Variants in LHPP observed in about 807,000 individuals in gnomAD.
LHPP encodes the protein phospholysine phosphohistidine inorganic pyrophosphate phosphatase.
Under a neutral mutation model 30.3 loss-of-function variants are expected in LHPP, and 24 were observed. The observed-to-expected ratio is 0.79, with a 90% CI of 0.57 to 1.11. LHPP has a LOEUF of 1.11. Among genes scored for constraint, LHPP ranks in the 50% most tolerant of loss-of-function variants. LHPP has a pLI of 0.00. For synonymous variants in LHPP, 150 were observed against 157.1 expected (o/e 0.95, Z 0.34); for missense variants, 356 against 367.2 (o/e 0.97, Z 0.25).
intron 5 of LHPP, among the ~76,000 whole-genome samples, chr10:124,516,567 C>G (rs1372003786): frequency 6.6e-6 from 1 of 152,106 alleles, no homozygotes; most frequent in Non-Finnish European, 1.5e-5. Flanking sequence ...TGCTTGATGT[C>G]CGGTGTCCTG....
intron 6 of LHPP, among the ~76,000 whole-genome samples, chr10:124,551,893 G>C (rs1948174871): frequency 6.6e-6 from 1 of 152,138 alleles, no homozygotes; most frequent in Non-Finnish European, 1.5e-5. Context: ...AGGCCCCCGG[G>C]TGGCAGCTTC....
intron 1 of LHPP, among the ~76,000 whole-genome samples, chr10:124,483,495 A>C (rs1308744194): frequency 6.6e-6 from 1 of 152,160 alleles, no homozygotes; most frequent in Non-Finnish European, 1.5e-5. Context: ...CAGGTGGGCC[A>C]GGCACGGTGG....
chr10:124,524,275 AT>A (rs59957047), intron 6 of LHPP, among the ~76,000 whole-genome samples: 9,101 of 126,068 alleles, frequency 0.072, 231 homozygotes, highest in South Asian at 0.22. Flanking sequence ...TTTTGTTTTC[AT>A]TTTTTTTTTT....
chr10:124,543,990 C>T (rs922886904), intron 6 of LHPP, among the ~76,000 whole-genome samples: 3 of 152,370 alleles, frequency 2.0e-5, no homozygotes, highest in Admixed American at 1.3e-4. Context: ...CCCAGAGTTG[C>T]CGGCATCTCA....
intron 6 of LHPP, among the ~76,000 whole-genome samples, chr10:124,532,480 C>T (rs920124013): frequency 6.6e-5 from 10 of 152,244 alleles, no homozygotes; most frequent in Non-Finnish European, 1.0e-4. Context: ...TTCCTTCTCA[C>T]CTCATGCCTT....
At chr10:124,585,602 G>A (rs550029105) in intron 6 of LHPP, among the ~76,000 whole-genome samples, 40 of 149,748 alleles carry the variant, frequency 2.7e-4, no homozygotes, top group East Asian at 2.0e-3. Context: ...GCGACAGAAC[G>A]AGACTCTATC....
chr10:124,499,164 G>A (rs1270213661), intron 5 of LHPP, among the ~76,000 whole-genome samples: 1 of 151,822 alleles, frequency 6.6e-6, no homozygotes, highest in Non-Finnish European at 1.5e-5. Context: ...ACAGGTGTGA[G>A]CCACCATGCC....
chr10:124,509,209 C>CT (rs1172656377), intron 5 of LHPP, among the ~76,000 whole-genome samples: 2 of 152,124 alleles, frequency 1.3e-5, no homozygotes, highest in African/African-American at 2.4e-5. Flanking sequence ...TGACCTTGTT[C>CT]TTTTTTAGGG....
intron 6 of LHPP, among the ~76,000 whole-genome samples, chr10:124,545,829 C>T (rs1683710331): frequency 6.6e-6 from 1 of 152,114 alleles, no homozygotes. Context: ...CATTCTGCTG[C>T]AAGAGGGAGG....
chr10:124,465,263 G>A (rs949743756), intron 1 of LHPP, among the ~76,000 whole-genome samples: 5 of 152,110 alleles, frequency 3.3e-5, no homozygotes, highest in South Asian at 4.2e-4. Flanking sequence ...AGCACTTGGC[G>A]AGTTCGAGGG....
rs192976351 is a variant in LHPP, at chr10:124,578,760, G to A, written c.717-34504G>A. Reference sequence around the variant, plus strand: ...GCTGAGCAGCATCTCTGCCCTCCCCGCTTGCACCCCCACCATCCAGTGCAG... The same window carrying A: ...GCTGAGCAGCATCTCTGCCCTCCCCACTTGCACCCCCACCATCCAGTGCAG... On this transcript the variant is annotated intron_variant, in intron 6 of 6. Coordinates refer to ENST00000368842, the MANE Select transcript of LHPP (RefSeq NM_022126.4). 1.5e-3 allele frequency among the ~76,000 whole-genome samples: 222 copies of A among 152,252 alleles called. 1 individual carries two copies. Among genetic ancestry groups the A allele is most frequent in the African/African-American group, 4.9e-3 (202 of 41,562 alleles).
At position 124,488,461 on chromosome 10, in the gene LHPP, C is replaced by A. The variant is rs1025997212; in HGVS notation, c.353C>A (p.Pro118Gln). ...SEFDQIDTSN[P>Q]NCVVIADAGE... is the part of the protein sequence containing the mutation. The stretch of plus-strand genomic sequence containing the variant: ...TTTGATCAGATCGACACATCCAACC[C>A]AAACTGTGTGGTAATTGCAGACGCA... Residue 118 changes from proline to glutamine, a missense_variant, in exon 3 of 7, where the codon CCA becomes CAA. By Grantham distance (76) the Pro-to-Gln change is moderately conservative. Coordinates refer to ENST00000368842, the MANE Select transcript of LHPP (RefSeq NM_022126.4). 19 of 1,613,934 alleles carry A rather than the reference C, an allele frequency of 1.2e-5. No homozygotes were observed. The highest frequency in any genetic ancestry group is 1.6e-5 in the Non-Finnish European group (19 of 1,179,986).
rs1327439721 is a variant in LHPP, at chr10:124,510,362, A to G, written c.625-6818A>G. Among the ~76,000 whole-genome samples, 1 of 152,236 alleles carries G rather than the reference A, an allele frequency of 6.6e-6. No individual in the cohort carries two copies. The highest frequency in any genetic ancestry group is 1.5e-5 in the Non-Finnish European group (1 of 68,042). Reference sequence around the variant, plus strand: ...GCGGAGCCCACAAGCTGGCCTGGACAGGCATCACTGCTCCAGGCAGCTGTG... The same window carrying G: ...GCGGAGCCCACAAGCTGGCCTGGACGGGCATCACTGCTCCAGGCAGCTGTG... On this transcript the variant is annotated intron_variant, in intron 5 of 6. Transcript: ENST00000368842. The surrounding 1 kb of genome is among the most constrained non-coding windows in gnomAD (Gnocchi z 4.0).
rs142151138 is a variant in LHPP at position 124,487,604 on chromosome 10, G to A, written c.314-818G>A. 2.2e-3 allele frequency among the ~76,000 whole-genome samples: 327 copies of A among 152,018 alleles called. 3 individuals are homozygous for A. The East Asian group carries it at 0.034, about 16-fold the overall frequency. ...ATTACAGGCGGCCGCCACCGTGCCGGGCTGATTGTTGTATTTTTAGTAGAG... is the reference window on the plus strand; with the variant it reads ...ATTACAGGCGGCCGCCACCGTGCCGAGCTGATTGTTGTATTTTTAGTAGAG... On this transcript the variant is annotated intron_variant, in intron 2 of 6. Coordinates refer to ENST00000368842, the MANE Select transcript of LHPP (RefSeq NM_022126.4).
At chr10:124,470,371 C>G (rs1952691673) in intron 1 of LHPP, among the ~76,000 whole-genome samples, 1 of 148,260 alleles carries the variant, frequency 6.7e-6, no homozygotes, top group Non-Finnish European at 1.5e-5. Context: ...AAGCAATTCC[C>G]ACCCAGGACC....
At chr10:124,607,821 G>A (rs557091700) in intron 6 of LHPP, among the ~76,000 whole-genome samples, 25 of 152,318 alleles carry the variant, frequency 1.6e-4, no homozygotes, top group African/African-American at 4.3e-4. Flanking sequence ...AACTGGCTGC[G>A]GTACCAGAGA....
intron 6 of LHPP, among the ~76,000 whole-genome samples, chr10:124,521,263 C>A (rs1193127153): frequency 1.3e-5 from 2 of 152,254 alleles, no homozygotes; most frequent in African/African-American, 2.4e-5. Flanking sequence ...GGGCACCTGC[C>A]GCTGGGCCGG....
chr10:124,462,086 G>A, intron 1 of LHPP, 99 bp downstream of exon 1: 5 of 1,064,682 alleles, frequency 4.7e-6, no homozygotes, highest in Non-Finnish European at 4.7e-6. Flanking sequence ...GCGGGGCCGC[G>A]GCGCAGGCCC....
intron 1 of LHPP, among the ~76,000 whole-genome samples, chr10:124,470,038 T>C (rs1437214706): frequency 6.6e-6 from 1 of 152,158 alleles, no homozygotes; most frequent in Non-Finnish European, 1.5e-5. Flanking sequence ...CTAGGACTTG[T>C]GGGTGGGCGT....
Sources: allele counts gnomAD v4.1 joint callset (sites outside exome capture counted in the v4.1 genomes callset), GRCh38; gene constraint gnomAD v4.1.1; non-coding constraint Gnocchi (gnomAD v3.1); transcripts MANE v1.5; gene names NCBI Gene and HGNC (gene_info 2026-07-23, HGNC 2026-07-21).